RAG1: variants seen among roughly 807,000 people sequenced by gnomAD.
RAG1 encodes V(D)J recombination-activating protein 1.
Under a neutral mutation model 62.7 loss-of-function variants are expected in RAG1, and 35 were observed. The ratio of observed to expected loss-of-function variants is 0.56; its 90% CI spans 0.43 to 0.74. The LOEUF (loss-of-function observed/expected upper bound fraction) is 0.74. Among genes scored for constraint, RAG1 ranks in the 30% least tolerant of loss-of-function variants. The probability of loss-of-function intolerance (pLI) is 0.00; values close to 1 mark genes in which losing one functional copy is unlikely to be tolerated. For missense variants in RAG1, 1,169 were observed against 1,278.6 expected, an observed-to-expected ratio of 0.91 and a Z score of 1.31; for synonymous variants, 461 against 470.3, an observed-to-expected ratio of 0.98 and a Z score of 0.26.
chr11:36,573,960 G>T lies in RAG1; in HGVS notation c.656G>T (p.Arg219Leu), dbSNP rs764179803. 1 of 1,614,088 alleles carries T rather than the reference G, an allele frequency of 6.2e-7. No individual in the cohort carries two copies. Among genetic ancestry groups the T allele is most frequent in the African/African-American group, 1.3e-5 (1 of 75,016 alleles). ...PSCDICNTAR[R>L]GLKRKSLQPN... Reference sequence around the variant, plus strand: ...TGTGACATCTGCAACACTGCCCGTCGGGGACTCAAGAGGAAGAGTCTTCAG... The same window carrying T: ...TGTGACATCTGCAACACTGCCCGTCTGGGACTCAAGAGGAAGAGTCTTCAG... Residue 219 changes from arginine to leucine, a missense_variant, in exon 2 of 2, where the codon CGG becomes CTG. This residue lies in a region of RAG1 where 369 missense variants were observed against 335.3 expected (regional missense o/e 1.10). Transcript: ENST00000299440.
Position 36,575,397 on chromosome 11 carries a change from T to A in RAG1, c.2093T>A (p.Leu698His), listed in dbSNP as rs1850828424. The change falls in exon 2 of 2, where the codon CTC (leucine) becomes CAC (histidine). Residue 698 changes from leucine (L) to histidine (H), a missense_variant. Physicochemically the swap from Leu to His is moderately conservative, Grantham distance 99 (BLOSUM62 -3). Around this residue, in one of 2 missense-constraint regions of RAG1, gnomAD observed 800 missense variants for 943.3 expected, o/e 0.85. Coordinates refer to ENST00000299440, the MANE Select transcript of RAG1 (RefSeq NM_000448.3). The surrounding 1 kb of genome is among the most constrained non-coding windows in gnomAD (Gnocchi z 4.1). ...SELMLELGGILRTFKFIFRGT... is the reference protein window; with the variant it reads ...SELMLELGGIHRTFKFIFRGT... Reference sequence around the variant, plus strand: ...TTAATGCTTGAGCTGGGAGGCATTCTCCGGACTTTCAAGTTCATCTTCAGG... The same window carrying A: ...TTAATGCTTGAGCTGGGAGGCATTCACCGGACTTTCAAGTTCATCTTCAGG... 2 of 1,613,934 alleles carry A rather than the reference T, an allele frequency of 1.2e-6. No homozygotes were observed. The highest frequency in any genetic ancestry group is 1.7e-6 in the Non-Finnish European group (2 of 1,179,836).
At chr11:36,512,058 C>T (rs1859932187) in intron 1 of RAG1, among the ~76,000 whole-genome samples, 1 of 152,208 alleles carries the variant, frequency 6.6e-6, no homozygotes, top group Non-Finnish European at 1.5e-5. Context: ...GGGGCCTTTT[C>T]CTACTCCTTC....
At chr11:36,525,274 C>G (rs1227805212) in intron 2 of RAG1, among the ~76,000 whole-genome samples, 1 of 152,152 alleles carries the variant, frequency 6.6e-6, no homozygotes, top group Non-Finnish European at 1.5e-5. Context: ...ATCCCTCCAC[C>G]AATGCTACAA....
chr11:36,574,322 C>G lies in RAG1; in HGVS notation c.1018C>G (p.Leu340Val). 1 of 1,614,200 alleles carries G rather than the reference C, an allele frequency of 6.2e-7. No homozygotes were observed. The highest frequency in any genetic ancestry group is 8.5e-7 in the Non-Finnish European group (1 of 1,180,032). ...SCRYPCFPTD[L>V]ESPVKSFLSV... ...CCGATATCCATGCTTCCCTACTGAC[C>G]TGGAGAGTCCAGTGAAGTCCTTTCT... Residue 340 changes from leucine (L) to valine (V), a missense_variant, in exon 2 of 2, where the codon CTG becomes GTG. Around this residue, in one of 2 missense-constraint regions of RAG1, gnomAD observed 800 missense variants for 943.3 expected, o/e 0.85. Coordinates refer to ENST00000299440, the MANE Select transcript of RAG1 (RefSeq NM_000448.3).
chr11:36,540,729 A>C (rs1375732535), downstream of RAG1, among the ~76,000 whole-genome samples: 1 of 152,150 alleles, frequency 6.6e-6, no homozygotes, highest in Non-Finnish European at 1.5e-5. Context: ...TTTTAAAATG[A>C]AACCTCCAAT....
intron 3 of RAG1, among the ~76,000 whole-genome samples, chr11:36,543,722 G>C (rs558105488): frequency 3.3e-5 from 5 of 152,288 alleles, no homozygotes; most frequent in Middle Eastern, 3.4e-3. Flanking sequence ...ATTATTTATG[G>C]AATACACTAA....
At chr11:36,535,023 T>C (rs1021573374) in intron 2 of RAG1, among the ~76,000 whole-genome samples, 10 of 152,216 alleles carry the variant, frequency 6.6e-5, no homozygotes, top group African/African-American at 2.2e-4. Flanking sequence ...TTTGACTACA[T>C]TATATTACAT....
chr11:36,528,809 G>A (rs1306537550), intron 2 of RAG1, among the ~76,000 whole-genome samples: 1 of 151,602 alleles, frequency 6.6e-6, no homozygotes, highest in African/African-American at 2.4e-5. Flanking sequence ...ATGATAAAGG[G>A]GATATCACCA....
chr11:36,532,162 G>GA (rs1269140218), intron 2 of RAG1, among the ~76,000 whole-genome samples: 1 of 151,502 alleles, frequency 6.6e-6, no homozygotes, highest in African/African-American at 2.4e-5. Context: ...ATTTTGAATA[G>GA]AAAATCACTA....
chr11:36,540,440 T>C (rs1390098825), downstream of RAG1, among the ~76,000 whole-genome samples: 1 of 152,210 alleles, frequency 6.6e-6, no homozygotes, highest in Non-Finnish European at 1.5e-5. Context: ...AGCCTCTCTC[T>C]GTCATCCAGG....
At chr11:36,549,673 A>C (rs965364712) in intron 3 of RAG1, among the ~76,000 whole-genome samples, 1 of 152,214 alleles carries the variant, frequency 6.6e-6, no homozygotes, top group Non-Finnish European at 1.5e-5. Context: ...GTGGGAGTGT[A>C]AATTAGTTCA....
chr11:36,550,020 A>T (rs1850459616), intron 3 of RAG1, among the ~76,000 whole-genome samples: 1 of 152,232 alleles, frequency 6.6e-6, no homozygotes, highest in Admixed American at 6.5e-5. Flanking sequence ...CAGGAATGCA[A>T]ACCAAACACT....
chr11:36,548,813 A>C (rs918194086), intron 3 of RAG1, among the ~76,000 whole-genome samples: 1 of 152,218 alleles, frequency 6.6e-6, no homozygotes, highest in Non-Finnish European at 1.5e-5. Context: ...CCATATGGTC[A>C]AGACAATTCT....
chr11:36,515,178 T>A (rs944766354), intron 1 of RAG1, among the ~76,000 whole-genome samples: 1 of 152,172 alleles, frequency 6.6e-6, no homozygotes, highest in Non-Finnish European at 1.5e-5. Flanking sequence ...CAAAAACACC[T>A]GAGAGTCAGA....
At position 36,578,865 on chromosome 11, in the gene RAG1, A is replaced by G. The variant is rs1850892647; in HGVS notation, c.*2429A>G. ...ACTCCAGGGAAATTCACCACACTGA[A>G]TCGAGCATTTGTGTGTGTATGTGTG... On this transcript the variant is annotated 3_prime_UTR_variant, in exon 2 of 2. Coordinates refer to ENST00000299440, the MANE Select transcript of RAG1 (RefSeq NM_000448.3). 1.2e-5 allele frequency: 2 copies of G among 167,054 alleles called. No homozygotes were observed. The highest frequency in any genetic ancestry group is 2.1e-4 in the South Asian group (1 of 4,828). The allele number at this position is 167,054 out of a possible 1,614,324, so 10.3% of individuals were successfully genotyped here. A position where few individuals can be genotyped will look rare whatever the true frequency, so the allele number is the denominator to read the frequency against.
At chr11:36,560,533 T>A (rs1365143496) in intron 3 of RAG1, among the ~76,000 whole-genome samples, 1 of 152,140 alleles carries the variant, frequency 6.6e-6, no homozygotes, top group East Asian at 1.9e-4. Context: ...AGAACAGAAT[T>A]CACTTTATTG....
At chr11:36,563,010 C>T (rs1403631948), upstream of RAG1, among the ~76,000 whole-genome samples, 1 of 152,160 alleles carries the variant, frequency 6.6e-6, no homozygotes, top group Non-Finnish European at 1.5e-5. Context: ...TACACACACA[C>T]TTCTGGTGTC....
At chr11:36,572,254 G>C (rs144021230) in intron 1 of RAG1, among the ~76,000 whole-genome samples, 25 of 152,326 alleles carry the variant, frequency 1.6e-4, no homozygotes, top group African/African-American at 5.8e-4. Context: ...TTCCAATCAT[G>C]TACTAAGTAA....
intron 3 of RAG1, among the ~76,000 whole-genome samples, chr11:36,549,526 C>G (rs1312612701): frequency 2.6e-5 from 4 of 152,168 alleles, no homozygotes; most frequent in African/African-American, 7.2e-5. Flanking sequence ...AGCTCATCAT[C>G]ACTGTCATTA....
Sources: allele counts gnomAD v4.1 joint callset (sites outside exome capture counted in the v4.1 genomes callset), GRCh38; gene constraint gnomAD v4.1.1; regional missense constraint gnomAD v4.1.1; non-coding constraint Gnocchi (gnomAD v3.1); transcripts MANE v1.5; gene names NCBI Gene and HGNC (gene_info 2026-07-23, HGNC 2026-07-21).